The following CEP250 variants were observed in gnomAD, a reference collection of about 807,000 sequenced individuals.
CEP250 encodes the protein centrosomal protein 250, also known as centrosome-associated protein CEP250.
CEP250 carries 242 observed loss-of-function variants against 315.7 expected under a neutral mutation model. The ratio of observed to expected loss-of-function variants is 0.77; its 90% confidence interval spans 0.69 to 0.85. CEP250 has a LOEUF of 0.85. CEP250 is among the 40% of genes least tolerant of loss of function. The pLI, the probability that CEP250 is intolerant of heterozygous loss-of-function variation, is 0.00. For synonymous variants in CEP250, 1,088 were observed against 1,175.0 expected (o/e 0.93, Z 1.51); for missense variants, 2,515 against 2,886.4 (o/e 0.87, Z 2.95).
chr20:35,460,886 T>C (rs772300917), intron 3 of CEP250, among the ~76,000 whole-genome samples: 8 of 152,246 alleles, frequency 5.3e-5, no homozygotes, highest in Middle Eastern at 3.2e-3. Context: ...TAAAATGAAT[T>C]AGACAGCTCC....
intron 20 of CEP250, among the ~76,000 whole-genome samples, chr20:35,490,219 A>G (rs1002366789): frequency 5.9e-5 from 9 of 152,262 alleles, no homozygotes; most frequent in Non-Finnish European, 1.3e-4. Flanking sequence ...AGGCTGAGAC[A>G]GGAGAATCAC....
At chr20:35,471,651 T>C (rs1375167248) in intron 10 of CEP250, among the ~76,000 whole-genome samples, 4 of 152,204 alleles carry the variant, frequency 2.6e-5, no homozygotes, top group African/African-American at 9.6e-5. Flanking sequence ...ACCCATCCCC[T>C]ATCTAATAAT....
At chr20:35,473,840 C>G in intron 13 of CEP250, 30 bp from the exon 14 acceptor site, 2 of 1,585,608 alleles carry the variant, frequency 1.3e-6, no homozygotes, top group Non-Finnish European at 1.7e-6. Flanking sequence ...GTCCTATGGT[C>G]TCTGCTCATC....
intron 34 of CEP250, 96 bp from the exon 35 acceptor site, chr20:35,511,267 A>C: frequency 9.2e-7 from 1 of 1,091,180 alleles, no homozygotes; most frequent in African/African-American, 1.6e-5. Context: ...TCAGATGATC[A>C]GCCAACGAGC....
chr20:35,509,227 A>C (rs1388667167), intron 33 of CEP250, among the ~76,000 whole-genome samples, 183 bp downstream of exon 33: 1 of 151,920 alleles, frequency 6.6e-6, no homozygotes, highest in Admixed American at 6.5e-5. Context: ...GAGGCCCAAC[A>C]TTGGGGTGGG....
chr20:35,466,064 A>G lies in CEP250; in HGVS notation c.352A>G (p.Thr118Ala). Reference protein sequence around the residue: ...QRCESLAEVNTQLRLHMEKAD... With the variant: ...QRCESLAEVNAQLRLHMEKAD... ...GTGTGAGAGTCTAGCAGAGGTGAAC[A>G]CCCAGCTTCGACTGCACATGGAAAA... The change falls in exon 7 of 35, where the codon ACC becomes GCC. Residue 118 changes from threonine to alanine, a missense_variant. Physicochemically the swap from Thr to Ala is moderately conservative, Grantham distance 58 (BLOSUM62 0). Transcript: ENST00000397527. 1 of 1,614,166 alleles carries G rather than the reference A, an allele frequency of 6.2e-7. No individual in the cohort carries two copies. The highest frequency in any genetic ancestry group is 8.5e-7 in the Non-Finnish European group (1 of 1,180,022).
At position 35,496,921 on chromosome 20, in the gene CEP250, A is replaced by G. The variant is rs74427159; in HGVS notation, c.3306+206A>G. On this transcript the variant is annotated intron_variant, in intron 25 of 34. Transcript: ENST00000397527. Reference sequence around the variant, plus strand: ...TTGGGAATCTGACCCAGAGATGGACATGGCTCCTGTGGGAAACCTGACAGC... The same window carrying G: ...TTGGGAATCTGACCCAGAGATGGACGTGGCTCCTGTGGGAAACCTGACAGC... 0.021 allele frequency among the ~76,000 whole-genome samples: 3,136 copies of G among 152,286 alleles called. 89 individuals are homozygous for G. The highest frequency in any genetic ancestry group is 0.07 in the African/African-American group (2,909 of 41,532).
intron 20 of CEP250, among the ~76,000 whole-genome samples, chr20:35,483,473 C>T (rs2063416357): frequency 6.6e-6 from 1 of 151,818 alleles, no homozygotes. Flanking sequence ...CCTGCCGCAG[C>T]CTCCGACGAA....
intron 20 of CEP250, among the ~76,000 whole-genome samples, chr20:35,489,796 G>C (rs1041924501): frequency 6.6e-6 from 1 of 152,220 alleles, no homozygotes; most frequent in Non-Finnish European, 1.5e-5. Flanking sequence ...CTGCAACTCT[G>C]AGTAGAGGAG....
rs548388793 is a variant in CEP250 at position 35,500,285 on chromosome 20, C to T, written c.3898+116C>T. 2.3e-4 allele frequency: 294 copies of T among 1,254,114 alleles called. 1 individual carries two copies. The highest frequency in any genetic ancestry group is 3.3e-4 in the Admixed American group (15 of 44,800). The allele number at this position is 1,254,114 out of a possible 1,614,324, so 77.7% of individuals were successfully genotyped here. ...TGTTTATTTTATTTTATTTTTGAGA[C>T]GACATCTCACTCTGTCACTCAGGTT... On this transcript the variant is annotated intron_variant, in intron 28 of 34. Coordinates refer to ENST00000397527, the MANE Select transcript of CEP250 (RefSeq NM_007186.6).
At chr20:35,484,216 T>C (rs1369547801) in intron 20 of CEP250, among the ~76,000 whole-genome samples, 1 of 152,086 alleles carries the variant, frequency 6.6e-6, no homozygotes, top group Non-Finnish European at 1.5e-5. Flanking sequence ...CCCAGAGACC[T>C]TTGTTCTGAG....
At chr20:35,498,239 C>T (rs1387456557) in intron 26 of CEP250, among the ~76,000 whole-genome samples, 172 bp downstream of exon 26, 1 of 152,188 alleles carries the variant, frequency 6.6e-6, no homozygotes, top group African/African-American at 2.4e-5. Context: ...AGCTATGTGT[C>T]CTTGGGCAAG....
chr20:35,464,839 T>C (rs976835136), intron 5 of CEP250, among the ~76,000 whole-genome samples: 4 of 152,052 alleles, frequency 2.6e-5, no homozygotes, highest in Non-Finnish European at 4.4e-5. Context: ...GGAGAATCAC[T>C]TGAACCCAGG....
chr20:35,498,966 G>T (rs1320960572), intron 27 of CEP250, among the ~76,000 whole-genome samples: 1 of 152,094 alleles, frequency 6.6e-6, no homozygotes, highest in East Asian at 1.9e-4. Context: ...TCTTGAATGA[G>T]CCCTGTAAAC....
At chr20:35,499,749 G>A (rs1344364916) in intron 27 of CEP250, among the ~76,000 whole-genome samples, 2 of 152,222 alleles carry the variant, frequency 1.3e-5, no homozygotes, top group Non-Finnish European at 2.9e-5. Flanking sequence ...GAGCTTTGAA[G>A]TAGGAGTGTT....
At chr20:35,511,245 G>A (rs2064346691) in intron 34 of CEP250, 118 bp from the exon 35 acceptor site, 2 of 802,344 alleles carry the variant, frequency 2.5e-6, no homozygotes, top group Non-Finnish European at 4.0e-6. Flanking sequence ...TCGTGTATGT[G>A]GTAGAGTTGA....
rs1193178090 is a variant in CEP250 at position 35,480,131 on chromosome 20, C to A, written c.2572C>A (p.Leu858Ile). The change falls in exon 20 of 35, where the codon CTC becomes ATC. Residue 858 changes from leucine to isoleucine, a missense_variant. Coordinates refer to ENST00000397527, the MANE Select transcript of CEP250 (RefSeq NM_007186.6). Reference sequence around the variant, plus strand: ...AGCCCATGAGAAAGAGGTGAACCAGCTCCGGGAGAAATGGGTAAGTGGTCA... The same window carrying A: ...AGCCCATGAGAAAGAGGTGAACCAGATCCGGGAGAAATGGGTAAGTGGTCA... ...KAAHEKEVNQLREKWEKERSW... is the reference protein window; with the variant it reads ...KAAHEKEVNQIREKWEKERSW... 1 of 1,611,884 alleles carries A rather than the reference C, an allele frequency of 6.2e-7. No homozygotes were observed. Among genetic ancestry groups the A allele is most frequent in the Admixed American group, 1.7e-5 (1 of 59,958 alleles).
At chr20:35,500,295 C>G in intron 28 of CEP250, 126 bp downstream of exon 28, 1 of 1,168,058 alleles carries the variant, frequency 8.6e-7, no homozygotes, top group Non-Finnish European at 1.2e-6. Context: ...CGACATCTCA[C>G]TCTGTCACTC....
chr20:35,467,110 A>G (rs758674972), intron 8 of CEP250, 38 bp downstream of exon 8: 2 of 1,435,954 alleles, frequency 1.4e-6, no homozygotes, highest in South Asian at 2.3e-5. Context: ...GTTTGCCCCT[A>G]CCAATTCTGG....
Sources: gnomAD v4.1 joint callset for allele counts (sites outside exome capture counted in the v4.1 genomes callset) on GRCh38, gnomAD v4.1.1 for gene constraint, MANE v1.5 for transcripts, NCBI Gene and HGNC (gene_info 2026-07-23, HGNC 2026-07-21) for gene names.